The following KIF23 variants were observed in gnomAD, a reference collection of about 807,000 sequenced individuals.
The protein encoded by KIF23 is kinesin-like protein KIF23.
In KIF23, 30 loss-of-function variants were observed where a neutral mutation model predicts 137.5. The observed-to-expected ratio is 0.22, with a 90% confidence interval of 0.16 to 0.30. KIF23 has a LOEUF of 0.30. Ranked by LOEUF, KIF23 falls within the 10% of genes least tolerant of loss-of-function variation. KIF23 has a pLI of 1.00. For missense variants in KIF23, 920 were observed against 1,194.3 expected (o/e 0.77, Z 3.38); for synonymous variants, 367 against 391.1 (o/e 0.94, Z 0.73).
chr15:69,427,242 C>T (rs1194160069), intron 10 of KIF23: 2 of 346,962 alleles, frequency 5.8e-6, no homozygotes, highest in African/African-American at 2.1e-5. Context: ...ATTTGAGCAT[C>T]CATGGAATTT....
chr15:69,445,990 CCTTTT>C lies in KIF23; in HGVS notation c.2674-13_2674-9del, dbSNP rs767770735. On this transcript the variant is annotated splice_polypyrimidine_tract_variant and intron_variant, in intron 20 of 23. Transcript: ENST00000679126. ...TGGGTGTATCAATGTGTAACAGTGA[CCTTTT>C]CTTTTGGCTTTAGGGTGATATTTAT... The C allele has an allele frequency of 6.3e-7, 1 of 1,579,880 alleles. No homozygotes were observed. The highest frequency in any genetic ancestry group is 1.1e-5 in the South Asian group (1 of 90,006).
chr15:69,438,624 G>T (rs1157955252), intron 16 of KIF23, among the ~76,000 whole-genome samples: 1 of 152,002 alleles, frequency 6.6e-6, no homozygotes, highest in African/African-American at 2.4e-5. Context: ...CATGGCAAAA[G>T]CCCATCTCTA....
chr15:69,425,009 C>A (rs1380668809), intron 7 of KIF23, among the ~76,000 whole-genome samples: 1 of 152,162 alleles, frequency 6.6e-6, no homozygotes, highest in African/African-American at 2.4e-5. Context: ...ACAAAAGTAC[C>A]TTGTGTGCTT....
intron 10 of KIF23, among the ~76,000 whole-genome samples, chr15:69,428,645 C>T (rs1290549535): frequency 1.9e-5 from 2 of 106,758 alleles, no homozygotes; most frequent in Non-Finnish European, 3.4e-5. Context: ...GGAGGTAGAG[C>T]GAGACTCTGT....
At chr15:69,414,652 C>A in intron 1 of KIF23, 176 bp downstream of exon 1, 2 of 646,078 alleles carry the variant, frequency 3.1e-6, no homozygotes, top group Non-Finnish European at 4.6e-6. Context: ...GGCCGCTCCG[C>A]GGGAGCCTGG....
At chr15:69,430,578 G>A (rs971272503) in intron 11 of KIF23, among the ~76,000 whole-genome samples, 3 of 152,192 alleles carry the variant, frequency 2.0e-5, no homozygotes, top group African/African-American at 7.2e-5. Flanking sequence ...GCTGTATGAA[G>A]CAGGATAGGA....
chr15:69,440,431 C>G lies in KIF23; in HGVS notation c.2053C>G (p.Arg685Gly). Residue 685 changes from arginine (R) to glycine (G), a missense_variant, in exon 18 of 24, where the codon CGG (arginine) becomes GGG (glycine). Arg to Gly is a moderately radical substitution (Grantham distance 125). Transcript: ENST00000679126. ...AACTGAGAAGCCAGAGAGACCCTCT[C>G]GGGAGCGAGATCGAGAAAAAGTTAC... ...PKTEKPERPS[R>G]ERDREKVTQR... 6.2e-7 allele frequency: 1 copy of G among 1,613,584 alleles called. No individual in the cohort carries two copies. The highest frequency in any genetic ancestry group is 8.5e-7 in the Non-Finnish European group (1 of 1,179,830).
chr15:69,418,724 A>T (rs1282276730), intron 3 of KIF23, among the ~76,000 whole-genome samples: 1 of 152,176 alleles, frequency 6.6e-6, no homozygotes, highest in Non-Finnish European at 1.5e-5. Flanking sequence ...ACTTTTGTAC[A>T]ACTTGTGCTA....
chr15:69,439,727 G>A (rs2057568427), intron 16 of KIF23, among the ~76,000 whole-genome samples, 177 bp from the exon 17 acceptor site: 2 of 152,106 alleles, frequency 1.3e-5, no homozygotes, highest in African/African-American at 4.8e-5. Context: ...TGTTTAACAT[G>A]TTTTCATTTC....
chr15:69,419,535 G>A (rs147289665), intron 3 of KIF23, among the ~76,000 whole-genome samples: 1,534 of 152,138 alleles, frequency 0.01, 22 homozygotes, highest in African/African-American at 0.035. Context: ...GTCATCGTTG[G>A]GTTTCAGCTT....
rs377663038 is a variant in KIF23 at position 69,435,507 on chromosome 15, C to T, written c.1139C>T (p.Thr380Met). 1.4e-5 allele frequency: 23 copies of T among 1,613,640 alleles called. No individual in the cohort carries two copies. Among genetic ancestry groups the T allele is most frequent in the South Asian group, 2.2e-5 (2 of 91,064 alleles). ...GGTAATATTAATCAGTCACTAATGA[C>T]GCTAAGAACATGTATGGATGTCCTA... is the stretch of plus-strand genomic sequence containing the variant. ...EAGNINQSLM[T>M]LRTCMDVLRE... The change falls in exon 12 of 24, where the codon ACG (threonine) becomes ATG (methionine). Residue 380 changes from threonine to methionine, a missense_variant. This residue lies in a region of KIF23 where 714 missense variants were observed against 866.2 expected (regional missense o/e 0.82). Coordinates refer to ENST00000679126, the MANE Select transcript of KIF23 (RefSeq NM_001367805.3).
At chr15:69,428,502 C>T (rs1318572088) in intron 10 of KIF23, among the ~76,000 whole-genome samples, 1 of 149,164 alleles carries the variant, frequency 6.7e-6, no homozygotes, top group East Asian at 2.0e-4. Flanking sequence ...ACCAAAAATA[C>T]AAAAAAAATG....
At chr15:69,442,836 T>C (rs1345346452) in intron 19 of KIF23, among the ~76,000 whole-genome samples, 1 of 152,224 alleles carries the variant, frequency 6.6e-6, no homozygotes, top group Admixed American at 6.5e-5. Context: ...GCAGAAAAGT[T>C]ACTGTAAGGT....
chr15:69,435,634 A>G lies in KIF23; in HGVS notation c.1195-18A>G. 1 of 1,613,302 alleles carries G rather than the reference A, an allele frequency of 6.2e-7. No homozygotes were observed. Among genetic ancestry groups the G allele is most frequent in the Non-Finnish European group, 8.5e-7 (1 of 1,179,842 alleles). The stretch of plus-strand genomic sequence containing the variant: ...CATTTTTTTTGCGTAACACATTTGG[A>G]TATGAATGTCTTTGTAGATGGTTCC... On this transcript the variant is annotated intron_variant, in intron 12 of 23. Transcript: ENST00000679126.
Position 69,428,270 on chromosome 15 carries a change from A to G in KIF23, c.1012-841A>G, listed in dbSNP as rs143501406. Among the ~76,000 whole-genome samples, 1,105 of 151,794 alleles carry G rather than the reference A, an allele frequency of 7.3e-3. 19 individuals carry two copies. The highest frequency in any genetic ancestry group is 0.025 in the African/African-American group (1,026 of 41,332). ...CTCTGTCTAAAAAAAAAAAATGGTTATAAGTCAGCCTTCCATATGCACCTG... is the reference window on the plus strand; with the variant it reads ...CTCTGTCTAAAAAAAAAAAATGGTTGTAAGTCAGCCTTCCATATGCACCTG... On this transcript the variant is annotated intron_variant, in intron 10 of 23. Transcript: ENST00000679126.
chr15:69,439,893 T>A lies in KIF23; in HGVS notation c.1756-11T>A, dbSNP rs1221318132. ...ATACCAAATATTGAACATAGTGGTC[T>A]ACCTTCCTAGATTGAGATTTTAGAG... On this transcript the variant is annotated splice_polypyrimidine_tract_variant and intron_variant, in intron 16 of 23. Coordinates refer to ENST00000679126, the MANE Select transcript of KIF23 (RefSeq NM_001367805.3). 1.3e-6 allele frequency: 2 copies of A among 1,598,862 alleles called. No homozygotes were observed. Among genetic ancestry groups the A allele is most frequent in the East Asian group, 4.5e-5 (2 of 44,742 alleles).
Position 69,432,257 on chromosome 15 carries a change from G to T in KIF23, c.1114+3044G>T, listed in dbSNP as rs1041886916. On this transcript the variant is annotated intron_variant, in intron 11 of 23. Coordinates refer to ENST00000679126, the MANE Select transcript of KIF23 (RefSeq NM_001367805.3). ...ATTGTAGTTGGGGCATATGGCAGAG[G>T]CTCCAGGTTTTTAGAAGTGGTACAC... 3.9e-5 allele frequency among the ~76,000 whole-genome samples: 6 copies of T among 152,188 alleles called. No individual in the cohort carries two copies. In the East Asian group the frequency reaches 1.2e-3, roughly 29 times the overall value.
chr15:69,414,492 C>G lies in KIF23; in HGVS notation c.11+16C>G. ...TGAAGTCAGCGTGAGTACGAGGCCG[C>G]CGAGCAGGGAGAGAGGGCGGACGGG... On this transcript the variant is annotated intron_variant, in intron 1 of 23. Coordinates refer to ENST00000679126, the MANE Select transcript of KIF23 (RefSeq NM_001367805.3). The G allele has an allele frequency of 6.3e-7, 1 of 1,575,930 alleles. No individual in the cohort carries two copies. Among genetic ancestry groups the G allele is most frequent in the South Asian group, 1.2e-5 (1 of 85,782 alleles).
intron 19 of KIF23, chr15:69,443,589 A>G (rs929414675): frequency 2.1e-4 from 32 of 151,950 alleles, no homozygotes; most frequent in African/African-American, 7.7e-4. Context: ...CAGCCTCACA[A>G]ATGTTGGGAT....
Sources: allele counts gnomAD v4.1 joint callset (sites outside exome capture counted in the v4.1 genomes callset), GRCh38; gene constraint gnomAD v4.1.1; regional missense constraint gnomAD v4.1.1; transcripts MANE v1.5; gene names NCBI Gene and HGNC (gene_info 2026-07-23, HGNC 2026-07-21).